LRCH3: variants seen among roughly 807,000 people sequenced by gnomAD.
The protein encoded by LRCH3 is leucine rich repeats and calponin homology domain containing 3.
LRCH3 carries 68 observed loss-of-function variants against 104.5 expected under a neutral mutation model. That is an observed-to-expected ratio of 0.65 (90% CI 0.54 to 0.80). LRCH3 has a LOEUF of 0.80. LRCH3 is among the 30% of genes least tolerant of loss of function. The probability of loss-of-function intolerance (pLI) is 0.00; values close to 1 mark genes in which losing one functional copy is unlikely to be tolerated. For synonymous variants in LRCH3, 344 were observed against 361.3 expected, an observed-to-expected ratio of 0.95 and a Z score of 0.54; for missense variants, 951 against 953.9, an observed-to-expected ratio of 1.00 and a Z score of 0.04.
chr3:197,841,495 C>T (rs1264594391), intron 10 of LRCH3, among the ~76,000 whole-genome samples: 1 of 152,126 alleles, frequency 6.6e-6, no homozygotes, highest in Non-Finnish European at 1.5e-5. Flanking sequence ...GGATAATCTC[C>T]CCATTTTAAG....
intron 4 of LRCH3, among the ~76,000 whole-genome samples, chr3:197,826,503 G>A (rs1735226395): frequency 6.6e-6 from 1 of 152,220 alleles, no homozygotes; most frequent in African/African-American, 2.4e-5. Flanking sequence ...GAACATTGGA[G>A]AAGGATAGTG....
At position 197,830,965 on chromosome 3, in the gene LRCH3, A is replaced by G. The variant is rs944396872; in HGVS notation, c.981+102A>G. On this transcript the variant is annotated intron_variant, in intron 7 of 20. Coordinates refer to ENST00000425562, the MANE Select transcript of LRCH3 (RefSeq NM_001365715.1). ...AACTGGATTCAGTTTCTCACTACAT[A>G]AAATACAGAAAAGTCAAGGTGGAGG... 1.6e-5 allele frequency: 16 copies of G among 1,015,314 alleles called. No homozygotes were observed. The African/African-American group carries it at 2.6e-4, about 16-fold the overall frequency. 62.9% of individuals were successfully genotyped at this position (1,015,314 alleles called of 1,614,324 possible).
Position 197,884,778 on chromosome 3 carries a change from A to G in LRCH3, c.*1112A>G, listed in dbSNP as rs1339598991. On this transcript the variant is annotated 3_prime_UTR_variant, in exon 21 of 21. Transcript: ENST00000425562. Reference sequence around the variant, plus strand: ...ATAATATAGAAGGCCTAGGTTTTGCATAGTCTTCTTTTTTTTAAGAGTTGG... The same window carrying G: ...ATAATATAGAAGGCCTAGGTTTTGCGTAGTCTTCTTTTTTTTAAGAGTTGG... 1 of 151,612 alleles carries G rather than the reference A, an allele frequency of 6.6e-6. No individual in the cohort carries two copies. The highest frequency in any genetic ancestry group is 6.6e-5 in the Admixed American group (1 of 15,264). The allele number at this position is 151,612 out of a possible 1,614,324, so 9.4% of individuals were successfully genotyped here. A position where few individuals can be genotyped will look rare whatever the true frequency, so the allele number is the denominator to read the frequency against.
intron 1 of LRCH3, among the ~76,000 whole-genome samples, chr3:197,792,623 T>A (rs1453628549): frequency 7.9e-5 from 7 of 88,524 alleles, no homozygotes; most frequent in East Asian, 7.9e-4. Flanking sequence ...CATATATATA[T>A]AATATACATA....
Position 197,843,933 on chromosome 3 carries a change from A to G in LRCH3, c.1329-3476A>G, listed in dbSNP as rs560438951. ...TACTTTTTAGTGGATGTAGACAAAT[A>G]TATGTAACAAGCATGTTTCAGGTAC... On this transcript the variant is annotated intron_variant, in intron 10 of 20. Transcript: ENST00000425562. 5.9e-5 allele frequency among the ~76,000 whole-genome samples: 9 copies of G among 152,330 alleles called. No individual in the cohort carries two copies. The South Asian group carries it at 1.7e-3, about 28-fold the overall frequency.
intron 5 of LRCH3, among the ~76,000 whole-genome samples, chr3:197,829,038 A>G (rs1735591085): frequency 6.6e-6 from 1 of 152,136 alleles, no homozygotes; most frequent in African/African-American, 2.4e-5. Context: ...GCAACTATAA[A>G]ACTTTATGAG....
At chr3:197,814,846 A>G (rs1733623792) in intron 1 of LRCH3, 62 bp from the exon 2 acceptor site, 1 of 1,387,586 alleles carries the variant, frequency 7.2e-7, no homozygotes. Context: ...TGGAAAATCA[A>G]AAGATTTCAA....
intron 15 of LRCH3, chr3:197,859,170 TTG>T (rs1740605596): frequency 2.3e-6 from 1 of 432,188 alleles, no homozygotes; most frequent in South Asian, 2.5e-5. Context: ...GGTGTTTTTC[TTG>T]TGAGTTATTA....
chr3:197,880,006 C>G (rs111697883), intron 20 of LRCH3, among the ~76,000 whole-genome samples: 1 of 148,926 alleles, frequency 6.7e-6, no homozygotes, highest in South Asian at 2.1e-4. Flanking sequence ...AGTGCGGTGG[C>G]GCGATCTCGG....
rs562425336 is a variant in LRCH3 at position 197,838,752 on chromosome 3, A to AT, written c.1252-565dup. Among the ~76,000 whole-genome samples the AT allele has an allele frequency of 3.5e-3, 534 of 152,246 alleles. 2 individuals carry two copies. The highest frequency in any genetic ancestry group is 9.0e-3 in the African/African-American group (372 of 41,536). On this transcript the variant is annotated intron_variant, in intron 9 of 20. Coordinates refer to ENST00000425562, the MANE Select transcript of LRCH3 (RefSeq NM_001365715.1). ...GTAGATAAGTAAAATTGCCAATAATATTTTCCTTTTAAATACGGTATTTTA... is the reference window on the plus strand; with the variant it reads ...GTAGATAAGTAAAATTGCCAATAATATTTTTCCTTTTAAATACGGTATTTTA...
At chr3:197,807,866 C>G (rs1432344154) in intron 1 of LRCH3, among the ~76,000 whole-genome samples, 1 of 152,120 alleles carries the variant, frequency 6.6e-6, no homozygotes, top group East Asian at 1.9e-4. Flanking sequence ...AACCTTACCC[C>G]CTTCATGTCC....
intron 1 of LRCH3, among the ~76,000 whole-genome samples, chr3:197,797,327 C>CAAAAAA (rs3085302): frequency 3.2e-4 from 23 of 71,326 alleles, no homozygotes; most frequent in Admixed American, 8.1e-4. Context: ...AACTCCATCT[C>CAAAAAA]AAAAAAAAAA....
intron 15 of LRCH3, among the ~76,000 whole-genome samples, chr3:197,862,186 G>C (rs955944552): frequency 2.6e-5 from 4 of 152,098 alleles, no homozygotes; most frequent in African/African-American, 9.7e-5. Flanking sequence ...AGTAGAGATG[G>C]GATTTTACCG....
intron 1 of LRCH3, among the ~76,000 whole-genome samples, chr3:197,811,978 C>T (rs1010478918): frequency 1.3e-5 from 2 of 152,102 alleles, no homozygotes; most frequent in Non-Finnish European, 2.9e-5. Flanking sequence ...AGGCAGATTA[C>T]ATTTCTTTTC....
At chr3:197,798,246 G>A (rs1395300561) in intron 1 of LRCH3, among the ~76,000 whole-genome samples, 16 of 151,856 alleles carry the variant, frequency 1.1e-4, no homozygotes, top group Admixed American at 9.8e-4. Flanking sequence ...GGGCAACAGA[G>A]TGAGACCCTG....
At chr3:197,834,760 C>T (rs1391491755) in intron 8 of LRCH3, among the ~76,000 whole-genome samples, 3 of 152,198 alleles carry the variant, frequency 2.0e-5, no homozygotes, top group African/African-American at 7.2e-5. Flanking sequence ...GTCTCTATTT[C>T]AATAATTATC....
At chr3:197,811,181 C>T (rs1236998101) in intron 1 of LRCH3, among the ~76,000 whole-genome samples, 2 of 152,000 alleles carry the variant, frequency 1.3e-5, no homozygotes, top group African/African-American at 4.8e-5. Flanking sequence ...TGGGACGCAC[C>T]ATGAACAGTA....
chr3:197,855,999 T>C (rs1740202694), intron 14 of LRCH3, among the ~76,000 whole-genome samples: 1 of 152,242 alleles, frequency 6.6e-6, no homozygotes, highest in South Asian at 2.1e-4. Flanking sequence ...CCTCGTGCTC[T>C]ACTGCCTCCC....
Position 197,866,614 on chromosome 3 carries a change from C to G in LRCH3, c.1873+395C>G, listed in dbSNP as rs946468432. On this transcript the variant is annotated intron_variant, in intron 17 of 20. Coordinates refer to ENST00000425562, the MANE Select transcript of LRCH3 (RefSeq NM_001365715.1). ...TTAGTTAATAATGACAAATTTCTCC[C>G]TGGTCCCCAAAGAAGTTACCTGGGA... Among the ~76,000 whole-genome samples the G allele has an allele frequency of 2.6e-5, 4 of 152,152 alleles. No individual in the cohort carries two copies. In the South Asian group the frequency reaches 8.3e-4, roughly 31 times the overall value.
Sources: gnomAD v4.1 joint callset for allele counts (sites outside exome capture counted in the v4.1 genomes callset) on GRCh38, gnomAD v4.1.1 for gene constraint, MANE v1.5 for transcripts, NCBI Gene and HGNC (gene_info 2026-07-23, HGNC 2026-07-21) for gene names.